MINK1: variants seen among roughly 807,000 people sequenced by gnomAD.
The protein encoded by MINK1 is misshapen like kinase 1, also known as misshapen-like kinase 1.
Under a neutral mutation model 178.4 loss-of-function variants are expected in MINK1, and 46 were observed. That is an observed-to-expected ratio of 0.26 (90% CI 0.20 to 0.33). The LOEUF is 0.33. MINK1 is among the 10% of genes least tolerant of loss of function. The probability of loss-of-function intolerance (pLI) is 1.00; values close to 1 mark genes in which losing one functional copy is unlikely to be tolerated. For missense variants in MINK1, 1,366 were observed against 1,814.9 expected (o/e 0.75, Z 4.49); for synonymous variants, 797 against 709.7 (o/e 1.12, Z -1.96).
At chr17:4,847,326 C>T in intron 1 of MINK1, 1 of 434,446 alleles carries the variant, frequency 2.3e-6, no homozygotes, top group South Asian at 1.7e-5. Flanking sequence ...GCATCCTCTG[C>T]CTCCTCGGTT....
chr17:4,875,261 A>G (rs1282083131), intron 1 of MINK1: 4 of 497,998 alleles, frequency 8.0e-6, no homozygotes, highest in Non-Finnish European at 1.6e-5. Flanking sequence ...AGCCCCCTGC[A>G]CTGCAGTGAC....
At chr17:4,875,618 C>T in intron 1 of MINK1, 1 of 367,568 alleles carries the variant, frequency 2.7e-6, no homozygotes, top group South Asian at 2.0e-5. Context: ...ACTAAAAATA[C>T]AAAATTAGCT....
At chr17:4,850,171 A>G (rs148993201) in intron 1 of MINK1, among the ~76,000 whole-genome samples, 93 of 152,110 alleles carry the variant, frequency 6.1e-4, no homozygotes, top group Non-Finnish European at 1.2e-3. Context: ...GTTTTGTTCA[A>G]CGCCACGTTG....
Position 4,886,250 on chromosome 17 carries a change from A to G in MINK1, c.773+52A>G. 1 of 1,586,810 alleles carries G rather than the reference A, an allele frequency of 6.3e-7. No homozygotes were observed. The highest frequency in any genetic ancestry group is 2.2e-5 in the East Asian group (1 of 44,738). On this transcript the variant is annotated intron_variant, in intron 9 of 31. Transcript: ENST00000355280. The surrounding 1 kb of genome is among the most constrained non-coding windows in gnomAD (Gnocchi z 6.1). ...GGAAGGAAGGTCCCTGGACAAGGCCATCCCCACCTTCATGCCCTCTGTGCT... is the reference window on the plus strand; with the variant it reads ...GGAAGGAAGGTCCCTGGACAAGGCCGTCCCCACCTTCATGCCCTCTGTGCT...
chr17:4,893,160 C>G, intron 20 of MINK1, 93 bp downstream of exon 20: 1 of 1,510,338 alleles, frequency 6.6e-7, no homozygotes, highest in South Asian at 1.2e-5. Context: ...CTCCGCTGAT[C>G]TACCGAGAAG....
chr17:4,877,250 G>A (rs1967264707), intron 1 of MINK1, among the ~76,000 whole-genome samples: 1 of 152,158 alleles, frequency 6.6e-6, no homozygotes. Context: ...GACCGCAGCT[G>A]TGTTGCTGAG....
intron 21 of MINK1, 147 bp from the exon 22 acceptor site, chr17:4,893,841 C>T (rs993955359): frequency 3.9e-5 from 34 of 862,808 alleles, no homozygotes; most frequent in Non-Finnish European, 4.7e-5. Flanking sequence ...AAGCACCTCA[C>T]GGTGGAGCAG....
In MINK1 at chr17:4,891,677, C is replaced by G. The variant is rs761544239; in HGVS notation, c.1962C>G (p.Pro654=). The G allele has an allele frequency of 6.2e-7, 1 of 1,602,250 alleles. No homozygotes were observed. The highest frequency in any genetic ancestry group is 2.3e-5 in the East Asian group (1 of 44,416). The change falls in exon 16 of 32, where the codon CCC becomes CCG. Residue 654 remains proline (P), a synonymous_variant. Transcript: ENST00000355280. The part of the protein sequence containing the change: ...TSEGPGPSPN[P]PAWVRPDNEA... ...AAGGACCTGGCCCCAGCCCGAATCC[C>G]CCAGCCTGGGTCCGCCCAGATAACG...
chr17:4,867,165 T>TTTTA (rs1567584765), intron 1 of MINK1, among the ~76,000 whole-genome samples: 9 of 81,630 alleles, frequency 1.1e-4, no homozygotes, highest in African/African-American at 3.7e-4. Context: ...TTTTTTTTTT[T>TTTTA]AAGCCAGGGT....
At position 4,881,004 on chromosome 17, in the gene MINK1, G is replaced by C. The variant is rs1967653490; in HGVS notation, c.144G>C (p.Gly48=). The change falls in exon 3 of 32, where the codon GGG becomes GGC. Residue 48 remains glycine, a synonymous_variant. Transcript: ENST00000355280. ...CGCAGGGTCGGCATGTCAAGACGGG[G>C]CAGCTGGCTGCCATCAAGGTCATGG... is the stretch of plus-strand genomic sequence containing the variant. ...QVYKGRHVKT[G]QLAAIKVMDV... 1.3e-6 allele frequency: 2 copies of C among 1,525,342 alleles called. No homozygotes were observed. Among genetic ancestry groups the C allele is most frequent in the Non-Finnish European group, 1.8e-6 (2 of 1,140,738 alleles). 94.5% of individuals were successfully genotyped at this position (1,525,342 alleles called of 1,614,324 possible).
Position 4,893,224 on chromosome 17 carries a change from T to TCG in MINK1, c.2400+158_2400+159insGC, listed in dbSNP as rs1969052003. 5.3e-6 allele frequency: 8 copies of TCG among 1,522,526 alleles called. No homozygotes were observed. In the East Asian group the frequency reaches 1.3e-4, roughly 26 times the overall value. The allele number at this position is 1,522,526 out of a possible 1,614,324, so 94.3% of individuals were successfully genotyped here. A position where few individuals can be genotyped will look rare whatever the true frequency, so the allele number is the denominator to read the frequency against. The stretch of plus-strand genomic sequence containing the variant: ...CTCATGGTGCTAACCTTTCCTAACC[T>TCG]CTCTCCTAACCTCTCTCCTAACCTC... On this transcript the variant is annotated intron_variant, in intron 20 of 31. Transcript: ENST00000355280.
chr17:4,891,200 G>GCGCACGCACACA (rs781594150), intron 15 of MINK1, 76 bp downstream of exon 15: 1 of 1,003,382 alleles, frequency 1.0e-6, no homozygotes. Context: ...ACACACGCGC[G>GCGCACGCACACA]CACACACACA....
Position 4,896,679 on chromosome 17 carries a change from A to C in MINK1, c.3781A>C (p.Ile1261Leu). ...CCCTCACCTGTTCCCCACAGCCTAC[A>C]TCTGCTCCAACCAGATAATGGGCTG... ...WGEMPTSVAY[I>L]CSNQIMGWGE... is the part of the protein sequence containing the mutation. Residue 1261 changes from isoleucine to leucine, a missense_variant, in exon 31 of 32, where the codon ATC becomes CTC. Ile to Leu is a conservative substitution (Grantham distance 5). Coordinates refer to ENST00000355280, the MANE Select transcript of MINK1 (RefSeq NM_153827.5). The surrounding 1 kb of genome is among the most constrained non-coding windows in gnomAD (Gnocchi z 4.6). The C allele has an allele frequency of 6.2e-7, 1 of 1,602,134 alleles. No individual in the cohort carries two copies. The highest frequency in any genetic ancestry group is 1.3e-5 in the African/African-American group (1 of 74,910).
chr17:4,868,804 G>T, intron 1 of MINK1: 1 of 319,336 alleles, frequency 3.1e-6, no homozygotes, highest in Non-Finnish European at 6.5e-6. Flanking sequence ...GGAGCGCAGT[G>T]GCATGATCAT....
intron 1 of MINK1, among the ~76,000 whole-genome samples, chr17:4,843,900 G>A (rs1567557375): frequency 6.6e-6 from 1 of 152,288 alleles, no homozygotes; most frequent in South Asian, 2.1e-4. Flanking sequence ...CCCACGTGGC[G>A]GTGGGTATTT....
rs112193017 is a variant in MINK1, at chr17:4,859,996, G to C, written c.58-18321G>C. Among the ~76,000 whole-genome samples the C allele has an allele frequency of 1.2e-3, 184 of 151,332 alleles. 1 individual carries two copies. Among genetic ancestry groups the C allele is most frequent in the Middle Eastern group, 0.01 (3 of 292 alleles). On this transcript the variant is annotated intron_variant, in intron 1 of 31. Coordinates refer to ENST00000355280, the MANE Select transcript of MINK1 (RefSeq NM_153827.5). The stretch of plus-strand genomic sequence containing the variant: ...GGGAACTACTTGCCGCATGCGGAGC[G>C]GGGTACAGAGGGAAGGGGCGCGTCC...
chr17:4,889,329 T>A (rs530763208), intron 12 of MINK1, among the ~76,000 whole-genome samples: 1 of 152,248 alleles, frequency 6.6e-6, no homozygotes, highest in East Asian at 1.9e-4. Flanking sequence ...CTAGGAGTGC[T>A]GGGGAGGCTT....
Position 4,892,392 on chromosome 17 carries a change from C to G in MINK1, c.2088-10C>G, listed in dbSNP as rs778561730. ...GCCGCCCCCTCGGCACCCCTGTGCT[C>G]CCTTCACAGACCTCGCAGCAACTCC... On this transcript the variant is annotated splice_polypyrimidine_tract_variant and intron_variant, in intron 17 of 31. Coordinates refer to ENST00000355280, the MANE Select transcript of MINK1 (RefSeq NM_153827.5). 6.5e-7 allele frequency: 1 copy of G among 1,543,120 alleles called. No individual in the cohort carries two copies. The highest frequency in any genetic ancestry group is 1.2e-5 in the South Asian group (1 of 83,882).
At chr17:4,867,480 C>G (rs968552352) in intron 1 of MINK1, among the ~76,000 whole-genome samples, 6 of 151,552 alleles carry the variant, frequency 4.0e-5, no homozygotes, top group Admixed American at 3.3e-4. Context: ...TGAGACCTAG[C>G]TCTAAAAAAG....
Sources: allele counts gnomAD v4.1 joint callset (sites outside exome capture counted in the v4.1 genomes callset), GRCh38; gene constraint gnomAD v4.1.1; non-coding constraint Gnocchi (gnomAD v3.1); transcripts MANE v1.5; gene names NCBI Gene and HGNC (gene_info 2026-07-23, HGNC 2026-07-21).